Variants in RANBP2 observed in about 807,000 individuals in gnomAD.
RANBP2 encodes the protein E3 SUMO-protein ligase RanBP2.
A neutral mutation model predicts 303.6 loss-of-function variants in RANBP2; 57 were observed. That is an observed-to-expected ratio of 0.19 (90% CI 0.15 to 0.23). RANBP2 has a LOEUF of 0.23. RANBP2 is among the 10% of genes least tolerant of loss of function. The pLI is 1.00. For synonymous variants in RANBP2, 1,167 were observed against 1,301.5 expected (o/e 0.90, Z 2.23); for missense variants, 3,138 against 3,780.8 (o/e 0.83, Z 4.46).
chr2:108,794,442 A>G, the RANBP2 span: 2 of 1,100,756 alleles, frequency 1.8e-6, no homozygotes, highest in Non-Finnish European at 2.5e-6. Flanking sequence ...TTAATGTTAT[A>G]TTTTGTACTT....
chr2:108,965,397 C>T, the RANBP2 span, among the ~76,000 whole-genome samples: 1 of 149,708 alleles, frequency 6.7e-6, no homozygotes, highest in Non-Finnish European at 1.5e-5. Context: ...AGGAGAATGG[C>T]ATGAACCCGG....
At chr2:109,315,319 A>G in the RANBP2 span, among the ~76,000 whole-genome samples, 47,328 of 151,928 alleles carry the variant, frequency 0.31, 9,120 homozygotes, top group African/African-American at 0.55. Flanking sequence ...ACCAACTTGG[A>G]GTTCTTAACT....
At chr2:109,419,589 C>G in the RANBP2 span, 1 of 1,597,760 alleles carries the variant, frequency 6.3e-7, no homozygotes, top group Non-Finnish European at 8.5e-7. Flanking sequence ...CACGGGCTGC[C>G]TCGGTGTCTG....
the RANBP2 span, among the ~76,000 whole-genome samples, chr2:109,452,995 GCTGGTCCCCGGGAAA>G: frequency 6.6e-6 from 1 of 151,666 alleles, no homozygotes; most frequent in Admixed American, 6.6e-5. Context: ...TTCCCGGGAG[GCTGGTCCCCGGGAAA>G]CTGGTCCCCG....
the RANBP2 span, among the ~76,000 whole-genome samples, chr2:108,913,949 C>CAAAAA: frequency 1.4e-4 from 15 of 109,074 alleles, 2 homozygotes; most frequent in South Asian, 3.4e-4. Context: ...GATTCCGTCT[C>CAAAAA]AAAAAAAAAA....
the RANBP2 span, among the ~76,000 whole-genome samples, chr2:109,021,538 A>AAG: frequency 6.6e-6 from 1 of 151,406 alleles, no homozygotes; most frequent in African/African-American, 2.4e-5. Context: ...AAAAAAAAAA[A>AAG]AAAGTGCTGA....
At chr2:109,717,271 CCAAAAAA>C in the RANBP2 span, among the ~76,000 whole-genome samples, 3 of 80,830 alleles carry the variant, frequency 3.7e-5, no homozygotes, top group Non-Finnish European at 8.6e-5. Context: ...TAAAAACAAA[CCAAAAAA>C]AAAAAAAAAA....
At chr2:109,662,951 T>G in the RANBP2 span, among the ~76,000 whole-genome samples, 2 of 152,164 alleles carry the variant, frequency 1.3e-5, no homozygotes, top group Admixed American at 1.3e-4. Flanking sequence ...ACTTCCAAAG[T>G]AGATATTAAC....
At chr2:108,839,041 T>C in the RANBP2 span, 1 of 807,972 alleles carries the variant, frequency 1.2e-6, no homozygotes, top group South Asian at 2.1e-5. Context: ...GTATTGCATA[T>C]AGTTTTAAAG....
chr2:108,812,329 T>C, the RANBP2 span, among the ~76,000 whole-genome samples: 3 of 152,190 alleles, frequency 2.0e-5, no homozygotes, highest in African/African-American at 4.8e-5. Context: ...TTATATGTGT[T>C]ATAGTTCAGA....
chr2:108,790,478 G>A (rs146352062), downstream of RANBP2, among the ~76,000 whole-genome samples: 183 of 152,254 alleles, frequency 1.2e-3, no homozygotes, highest in African/African-American at 4.3e-3. Context: ...TTGAAATGGG[G>A]CTGGTCTGAA....
the RANBP2 span, among the ~76,000 whole-genome samples, chr2:109,642,119 G>A: frequency 3.3e-5 from 5 of 151,986 alleles, no homozygotes; most frequent in African/African-American, 1.2e-4. Flanking sequence ...ATAGAGACAG[G>A]GTTTCACCAT....
At chr2:109,273,540 GT>G in the RANBP2 span, among the ~76,000 whole-genome samples, 1 of 152,240 alleles carries the variant, frequency 6.6e-6, no homozygotes, top group Admixed American at 6.5e-5. Flanking sequence ...CTGGGCACGT[GT>G]TTAGTGAATG....
At chr2:109,000,067 A>C in the RANBP2 span, among the ~76,000 whole-genome samples, 2 of 152,262 alleles carry the variant, frequency 1.3e-5, no homozygotes, top group Non-Finnish European at 2.9e-5. Context: ...TACAGTGCAG[A>C]AATGCAGCAA....
chr2:109,040,661 G>A, the RANBP2 span, among the ~76,000 whole-genome samples: 1 of 152,184 alleles, frequency 6.6e-6, no homozygotes, highest in African/African-American at 2.4e-5. Flanking sequence ...CTGTCTGGAA[G>A]TCTCACACAT....
chr2:109,629,203 AAAATAAATAAAT>A, the RANBP2 span, among the ~76,000 whole-genome samples: 3 of 118,416 alleles, frequency 2.5e-5, no homozygotes, highest in Non-Finnish European at 3.4e-5. Flanking sequence ...CTCCGTCTCA[AAAATAAATAAAT>A]AAATAAATAA....
At chr2:109,279,734 C>T in the RANBP2 span, among the ~76,000 whole-genome samples, 3 of 137,144 alleles carry the variant, frequency 2.2e-5, no homozygotes, top group Non-Finnish European at 3.1e-5. Context: ...AAATTCAGTA[C>T]GCTTGGGAGC....
At chr2:108,898,160 A>G in the RANBP2 span, among the ~76,000 whole-genome samples, 2 of 151,970 alleles carry the variant, frequency 1.3e-5, no homozygotes, top group East Asian at 3.9e-4. Flanking sequence ...CTGTGTCCCC[A>G]CTCTATCCAG....
the RANBP2 span, among the ~76,000 whole-genome samples, chr2:109,630,223 T>G: frequency 4.4e-4 from 67 of 152,244 alleles, 1 homozygote; most frequent in Admixed American, 4.0e-3. Context: ...TGTTCTGACA[T>G]CTTAAAAAAC....
Sources: allele counts gnomAD v4.1 joint callset (sites outside exome capture counted in the v4.1 genomes callset), GRCh38; gene constraint gnomAD v4.1.1; transcripts MANE v1.5; gene names NCBI Gene and HGNC (gene_info 2026-07-23, HGNC 2026-07-21).